The following NSUN7 variants were observed in gnomAD, a reference collection of about 807,000 sequenced individuals.
The protein encoded by NSUN7 is NOP2/Sun RNA methyltransferase family member 7, also known as protein NSUN7.
In NSUN7, 39 loss-of-function variants were observed where a neutral mutation model predicts 58.5. That is an observed-to-expected ratio of 0.67 (90% CI 0.52 to 0.87). The LOEUF is 0.87. NSUN7 is among the 40% of genes least tolerant of loss of function. The pLI is 0.00. For missense variants in NSUN7, 765 were observed against 844.1 expected (o/e 0.91, Z 1.16); for synonymous variants, 278 against 303.7 (o/e 0.92, Z 0.88).
chr4:40,795,777 C>A (rs76284173), intron 9 of NSUN7, among the ~76,000 whole-genome samples: 2 of 152,240 alleles, frequency 1.3e-5, no homozygotes, highest in South Asian at 4.1e-4. Context: ...AAGATAATTA[C>A]GTAATCTGTC....
intron 2 of NSUN7, among the ~76,000 whole-genome samples, chr4:40,755,711 T>A (rs561214147): frequency 6.6e-6 from 1 of 152,330 alleles, no homozygotes; most frequent in African/African-American, 2.4e-5. Flanking sequence ...TTCAATAATT[T>A]GCTACAAGGA....
At chr4:40,757,942 C>T (rs918693559) in intron 2 of NSUN7, among the ~76,000 whole-genome samples, 9 of 103,836 alleles carry the variant, frequency 8.7e-5, no homozygotes, top group South Asian at 3.0e-4. Flanking sequence ...TTTTGGGCAA[C>T]GGAGTTTCAC....
At chr4:40,792,266 G>GC (rs986649063) in intron 8 of NSUN7, among the ~76,000 whole-genome samples, 7 of 152,092 alleles carry the variant, frequency 4.6e-5, no homozygotes, top group Non-Finnish European at 1.0e-4. Flanking sequence ...TGAGACTCTG[G>GC]CCTTATCCTG....
chr4:40,808,552 C>T lies in NSUN7; in HGVS notation c.1770C>T (p.Pro590=). Residue 590 remains proline, a synonymous_variant, in exon 12 of 12, where the codon CCC becomes CCT. Coordinates refer to ENST00000381782, the MANE Select transcript of NSUN7 (RefSeq NM_024677.6). ...LSETVTKPPL[P]QKNTAQVGAS... is the part of the protein sequence containing the mutation. ...AGACTGTAACAAAACCACCTCTTCC[C>T]CAGAAAAATACTGCTCAAGTGGGGG... 2 of 1,551,730 alleles carry T rather than the reference C, an allele frequency of 1.3e-6. No homozygotes were observed. Among genetic ancestry groups the T allele is most frequent in the Non-Finnish European group, 1.7e-6 (2 of 1,147,002 alleles).
intron 11 of NSUN7, 51 bp downstream of exon 11, chr4:40,807,235 C>T: frequency 6.7e-7 from 1 of 1,493,392 alleles, no homozygotes; most frequent in Non-Finnish European, 9.0e-7. Context: ...TAATAAACTA[C>T]AAAGCCTCAT....
intron 11 of NSUN7, 88 bp from the exon 12 acceptor site, chr4:40,808,216 CTTT>C (rs983769957): frequency 2.1e-6 from 3 of 1,401,422 alleles, no homozygotes; most frequent in Non-Finnish European, 2.9e-6. Context: ...TAAAGAGAGT[CTTT>C]TTATTTTTAC....
At chr4:40,794,498 T>C (rs1386054827) in intron 9 of NSUN7, 22 bp downstream of exon 9, 1 of 1,402,964 alleles carries the variant, frequency 7.1e-7, no homozygotes, top group Non-Finnish European at 1.0e-6. Context: ...ATAGGCACCA[T>C]CTTGTTAAAA....
chr4:40,789,767 A>G (rs1005452475), intron 7 of NSUN7, among the ~76,000 whole-genome samples: 55 of 152,350 alleles, frequency 3.6e-4, no homozygotes, highest in Admixed American at 2.0e-3. Flanking sequence ...TAAAGAAAAA[A>G]TAATTTTAAA....
intron 4 of NSUN7, among the ~76,000 whole-genome samples, chr4:40,762,311 A>C (rs914871574): frequency 6.6e-6 from 1 of 152,240 alleles, no homozygotes; most frequent in South Asian, 2.1e-4. Context: ...CTTTAATAGA[A>C]AGTACAATGT....
rs954534065 is a variant in NSUN7, at chr4:40,810,813, C to A, written c.*1874C>A. ...CCTCTTATCCCACCCAGATTTCTAT[C>A]TGGTTGGTTAGGGTAGTCCATGCCT... is the stretch of plus-strand genomic sequence containing the variant. On this transcript the variant is annotated 3_prime_UTR_variant, in exon 12 of 12. Transcript: ENST00000381782. 2 of 152,162 alleles carry A rather than the reference C, an allele frequency of 1.3e-5. No homozygotes were observed. The highest frequency in any genetic ancestry group is 4.8e-5 in the African/African-American group (2 of 41,440). The allele number at this position is 152,162 out of a possible 1,614,324, so 9.4% of individuals were successfully genotyped here.
chr4:40,768,100 C>T (rs1364823853), intron 4 of NSUN7, among the ~76,000 whole-genome samples: 2 of 152,118 alleles, frequency 1.3e-5, no homozygotes, highest in African/African-American at 4.8e-5. Context: ...TATCTGCCTT[C>T]TAGGGCTTGA....
chr4:40,759,083 G>A (rs540783635), intron 2 of NSUN7, among the ~76,000 whole-genome samples: 2 of 152,286 alleles, frequency 1.3e-5, no homozygotes, highest in South Asian at 2.1e-4. Context: ...GCCGAGGTGG[G>A]CAGATCACCT....
At chr4:40,765,397 G>A (rs1741673538) in intron 4 of NSUN7, among the ~76,000 whole-genome samples, 1 of 148,680 alleles carries the variant, frequency 6.7e-6, no homozygotes, top group Admixed American at 6.8e-5. Context: ...TTGTAGATAT[G>A]TGGCGTTATT....
chr4:40,764,924 GTTGT>G (rs1340178656), intron 4 of NSUN7, among the ~76,000 whole-genome samples: 1 of 151,732 alleles, frequency 6.6e-6, no homozygotes, highest in African/African-American at 2.4e-5. Flanking sequence ...TTTTGATGGG[GTTGT>G]TTGTTTTTTT....
At position 40,809,019 on chromosome 4, in the gene NSUN7, T is replaced by A. The variant is rs1194187667; in HGVS notation, c.*80T>A. 12 of 1,340,440 alleles carry A rather than the reference T, an allele frequency of 9.0e-6. No individual in the cohort carries two copies. The highest frequency in any genetic ancestry group is 1.2e-5 in the Non-Finnish European group (12 of 1,011,992). 83.0% of individuals were successfully genotyped at this position (1,340,440 alleles called of 1,614,324 possible). ...AGTATTTCTCTGAAGATTCTACATCTCTACACAAGATATTCATTCTTTTGG... is the reference window on the plus strand; with the variant it reads ...AGTATTTCTCTGAAGATTCTACATCACTACACAAGATATTCATTCTTTTGG... On this transcript the variant is annotated 3_prime_UTR_variant, in exon 12 of 12. Transcript: ENST00000381782.
intron 7 of NSUN7, among the ~76,000 whole-genome samples, chr4:40,783,848 A>G (rs906509536): frequency 6.8e-6 from 1 of 147,098 alleles, no homozygotes; most frequent in Non-Finnish European, 1.5e-5. Flanking sequence ...AATCCATTTA[A>G]AAAAAAAAAA....
rs1560568571 is a variant in NSUN7 at position 40,808,885 on chromosome 4, G to C, written c.2103G>C (p.Lys701Asn). 3.9e-6 allele frequency: 6 copies of C among 1,544,766 alleles called. No homozygotes were observed. The highest frequency in any genetic ancestry group is 4.4e-6 in the Non-Finnish European group (5 of 1,146,502). The change falls in exon 12 of 12, where the codon AAG becomes AAC. Residue 701 changes from lysine (K) to asparagine (N), a missense_variant. Coordinates refer to ENST00000381782, the MANE Select transcript of NSUN7 (RefSeq NM_024677.6). The stretch of plus-strand genomic sequence containing the variant: ...ACTCACTATCCAGAAAAGAGGAAAA[G>C]CCTAAAGATGACACACCTTCCTCCC... ...PTHSLSRKEE[K>N]PKDDTPSSLL...
intron 7 of NSUN7, chr4:40,786,492 C>A: frequency 6.2e-7 from 1 of 1,613,136 alleles, no homozygotes; most frequent in Admixed American, 1.7e-5. Flanking sequence ...ATCAAGGAGT[C>A]CCTGTACTTA....
intron 4 of NSUN7, among the ~76,000 whole-genome samples, chr4:40,769,936 G>A (rs917315307): frequency 1.3e-5 from 2 of 152,188 alleles, no homozygotes; most frequent in African/African-American, 4.8e-5. Flanking sequence ...AAGGTCAGGC[G>A]TGGTGGCTCA....
Sources: gnomAD v4.1 joint callset for allele counts (sites outside exome capture counted in the v4.1 genomes callset) on GRCh38, gnomAD v4.1.1 for gene constraint, MANE v1.5 for transcripts, NCBI Gene and HGNC (gene_info 2026-07-23, HGNC 2026-07-21) for gene names.